FARS2: variants seen among roughly 807,000 people sequenced by gnomAD.
The protein encoded by FARS2 is phenylalanine--tRNA ligase, mitochondrial.
A neutral mutation model predicts 46.4 loss-of-function variants in FARS2; 40 were observed. The observed-to-expected ratio is 0.86, with a 90% CI of 0.67 to 1.12. The LOEUF (loss-of-function observed/expected upper bound fraction) is 1.12, where lower values mean the gene tolerates loss of function less well. FARS2 is among the 50% of genes most tolerant of loss of function. The pLI is 0.00. For synonymous variants in FARS2, 234 were observed against 214.9 expected, an observed-to-expected ratio of 1.09 and a Z score of -0.78; for missense variants, 513 against 567.9, an observed-to-expected ratio of 0.90 and a Z score of 0.98.
intron 4 of FARS2, among the ~76,000 whole-genome samples, chr6:5,497,880 A>G (rs1296224314): frequency 1.3e-5 from 2 of 152,242 alleles, no homozygotes; most frequent in African/African-American, 4.8e-5. Context: ...ATCTGAAGGC[A>G]ATTAACTGTT....
At chr6:5,706,201 C>T (rs1172867297) in intron 6 of FARS2, among the ~76,000 whole-genome samples, 2 of 152,160 alleles carry the variant, frequency 1.3e-5, no homozygotes, top group Non-Finnish European at 2.9e-5. Context: ...CTAATACTGC[C>T]GCTGATGTGA....
intron 6 of FARS2, among the ~76,000 whole-genome samples, chr6:5,725,278 T>C (rs558562638): frequency 1.9e-3 from 288 of 152,272 alleles, no homozygotes; most frequent in Middle Eastern, 3.4e-3. Context: ...AGGTGAAAGG[T>C]GTCCGTGGGG....
chr6:5,368,307 A>G (rs1581902036), intron 1 of FARS2, among the ~76,000 whole-genome samples: 2 of 152,238 alleles, frequency 1.3e-5, no homozygotes, highest in South Asian at 2.1e-4. Context: ...AAGGATCTGA[A>G]TGACAAAGGA....
intron 1 of FARS2, among the ~76,000 whole-genome samples, chr6:5,300,426 T>G (rs2127532293): frequency 6.6e-6 from 1 of 152,040 alleles, no homozygotes; most frequent in African/African-American, 2.4e-5. Context: ...CCTTATTTTG[T>G]TTTTTTTCAA....
chr6:5,614,768 C>G (rs764000117), intron 6 of FARS2, among the ~76,000 whole-genome samples: 3 of 152,168 alleles, frequency 2.0e-5, no homozygotes, highest in African/African-American at 7.2e-5. Context: ...AATTGTTTTG[C>G]CTCCCTTTCC....
chr6:5,699,887 G>A lies in FARS2; in HGVS notation c.1218-71404G>A, dbSNP rs781263473. ...CCGAGATCTTTTAAAGCTCTCAGGT[G>A]ACTATCATGGGTGAGAATTTGAGAA... On this transcript the variant is annotated intron_variant, in intron 6 of 6. Coordinates refer to ENST00000274680, the MANE Select transcript of FARS2 (RefSeq NM_006567.5). Among the ~76,000 whole-genome samples the A allele has an allele frequency of 3.0e-4, 46 of 152,190 alleles. 1 individual carries two copies. The highest frequency in any genetic ancestry group is 3.4e-3 in the Middle Eastern group (1 of 294).
intron 5 of FARS2, among the ~76,000 whole-genome samples, chr6:5,608,724 A>T (rs1311443157): frequency 6.6e-6 from 1 of 152,138 alleles, no homozygotes; most frequent in Admixed American, 6.5e-5. Flanking sequence ...AGTAACCATC[A>T]GTTCACCTAC....
chr6:5,296,397 T>C (rs558095815), intron 1 of FARS2, among the ~76,000 whole-genome samples: 4 of 152,278 alleles, frequency 2.6e-5, no homozygotes, highest in Admixed American at 1.3e-4. Context: ...CGCCTTGGCC[T>C]CCCAAAGTGC....
intron 5 of FARS2, among the ~76,000 whole-genome samples, chr6:5,589,241 G>A (rs889970206): frequency 6.6e-6 from 1 of 152,110 alleles, no homozygotes; most frequent in Non-Finnish European, 1.5e-5. Context: ...CTTAACCCTG[G>A]GCAAATTTCT....
chr6:5,610,306 CT>C (rs111436766), intron 5 of FARS2: 25,122 of 288,210 alleles, frequency 0.087, 189 homozygotes, highest in Middle Eastern at 0.13. Flanking sequence ...CTTTTCAATT[CT>C]TTTTAAAAAA....
chr6:5,539,356 G>A (rs1004489583), intron 4 of FARS2, among the ~76,000 whole-genome samples: 96 of 117,950 alleles, frequency 8.1e-4, no homozygotes, highest in Middle Eastern at 8.8e-3. Context: ...ACAGGTGCCC[G>A]CCACCATGCC....
intron 6 of FARS2, among the ~76,000 whole-genome samples, chr6:5,637,775 G>A (rs899015716): frequency 2.0e-5 from 3 of 152,150 alleles, no homozygotes; most frequent in African/African-American, 4.8e-5. Flanking sequence ...CTGGTAGATG[G>A]TGTCTTCTCC....
At chr6:5,374,550 A>C (rs1235062561) in intron 2 of FARS2, among the ~76,000 whole-genome samples, 1 of 152,088 alleles carries the variant, frequency 6.6e-6, no homozygotes, top group Non-Finnish European at 1.5e-5. Context: ...TTACTTGTAC[A>C]ATCTGTTTCA....
intron 5 of FARS2, among the ~76,000 whole-genome samples, chr6:5,612,551 G>A (rs1191594642): frequency 1.3e-5 from 2 of 152,074 alleles, no homozygotes; most frequent in African/African-American, 4.8e-5. Flanking sequence ...AATTTTAAAT[G>A]TCTGTCCTAT....
intron 6 of FARS2, among the ~76,000 whole-genome samples, chr6:5,662,304 T>A (rs944365027): frequency 1.3e-5 from 2 of 152,250 alleles, no homozygotes; most frequent in African/African-American, 4.8e-5. Flanking sequence ...TCTACATGCA[T>A]GTTATTACTT....
intron 1 of FARS2, among the ~76,000 whole-genome samples, chr6:5,332,348 A>G (rs1351208566): frequency 6.6e-6 from 1 of 152,238 alleles, no homozygotes; most frequent in Non-Finnish European, 1.5e-5. Context: ...GCACTGCATA[A>G]ATGCATGACA....
intron 6 of FARS2, among the ~76,000 whole-genome samples, chr6:5,767,996 C>G (rs1049706670): frequency 6.6e-6 from 1 of 152,190 alleles, no homozygotes; most frequent in Non-Finnish European, 1.5e-5. Context: ...CTCCATGTGC[C>G]TGTGGCTTTC....
intron 6 of FARS2, chr6:5,665,505 G>A (rs1379496247): frequency 6.6e-6 from 1 of 152,236 alleles, no homozygotes; most frequent in Non-Finnish European, 1.5e-5. Context: ...AGAGGCCTGG[G>A]TGTGTGTGGA....
In FARS2 at chr6:5,358,725, C is replaced by T. The variant is rs12660205; in HGVS notation, c.-21-9825C>T. ...ACACTTCAGATTAATTTTGCAGTGT[C>T]TTTGGTCTGTAGTCATTCTCTTATG... On this transcript the variant is annotated intron_variant, in intron 1 of 6. Coordinates refer to ENST00000274680, the MANE Select transcript of FARS2 (RefSeq NM_006567.5). Among the ~76,000 whole-genome samples, 19 of 152,198 alleles carry T rather than the reference C, an allele frequency of 1.2e-4. No individual in the cohort carries two copies. The East Asian group carries it at 3.7e-3, about 29-fold the overall frequency.
Sources: allele counts gnomAD v4.1 joint callset (sites outside exome capture counted in the v4.1 genomes callset), GRCh38; gene constraint gnomAD v4.1.1; transcripts MANE v1.5; gene names NCBI Gene and HGNC (gene_info 2026-07-23, HGNC 2026-07-21).